Variants in SKI observed in about 807,000 individuals in gnomAD.
The protein encoded by SKI is SKI proto-oncogene.
A neutral mutation model predicts 59.3 loss-of-function variants in SKI; 23 were observed. That is an observed-to-expected ratio of 0.39 (90% CI 0.28 to 0.55). SKI has a LOEUF of 0.55. Ranked by LOEUF, SKI falls within the 20% of genes least tolerant of loss-of-function variation. SKI has a pLI of 0.67. For missense variants in SKI, 1,017 were observed against 1,038.9 expected, an observed-to-expected ratio of 0.98 and a Z score of 0.29; for synonymous variants, 673 against 488.6, an observed-to-expected ratio of 1.38 and a Z score of -4.98.
intron 1 of SKI, among the ~76,000 whole-genome samples, chr1:2,281,133 GA>G (rs1639875217): frequency 1.1e-5 from 1 of 90,180 alleles, no homozygotes. Context: ...GGATGCCCGA[GA>G]AGACAGGCGG....
At position 2,229,673 on chromosome 1, in the gene SKI, T is replaced by C. The variant is rs1456762315; in HGVS notation, c.907T>C (p.Cys303Arg). The change falls in exon 1 of 7, where the codon TGC (cysteine) becomes CGC (arginine). Residue 303 changes from cysteine (C) to arginine (R), a missense_variant. Transcript: ENST00000378536. The surrounding 1 kb of genome is among the most constrained non-coding windows in gnomAD (Gnocchi z 6.3). ...GKEEQARLGRCLDDVKEKFDY... is the reference protein window; with the variant it reads ...GKEEQARLGRRLDDVKEKFDY... ...GGAGGAGCAGGCGCGCCTCGGCCGC[T>C]GCCTGGACGACGTGAAGGAGAAATT... 6.2e-6 allele frequency: 10 copies of C among 1,608,092 alleles called. No homozygotes were observed. Among genetic ancestry groups the C allele is most frequent in the Non-Finnish European group, 8.5e-6 (10 of 1,178,032 alleles).
chr1:2,274,357 G>A (rs1311165366), intron 1 of SKI, among the ~76,000 whole-genome samples: 1 of 152,172 alleles, frequency 6.6e-6, no homozygotes, highest in African/African-American at 2.4e-5. Context: ...ATTTCAGCCA[G>A]GCCCCCATAT....
Position 2,306,117 on chromosome 1 carries a change from A to C in SKI, c.1865A>C (p.Glu622Ala). 6.3e-7 allele frequency: 1 copy of C among 1,598,414 alleles called. No individual in the cohort carries two copies. Among genetic ancestry groups the C allele is most frequent in the Non-Finnish European group, 8.5e-7 (1 of 1,173,916 alleles). Residue 622 changes from glutamate (E) to alanine (A), a missense_variant, in exon 6 of 7, where the codon GAG becomes GCG. Transcript: ENST00000378536. ...LRKEIERLRA[E>A]NEKKMKEANE... ...AAGGAGATCGAGCGTCTCCGCGCCG[A>C]GAACGAGAAGAAGATGAAAGAGGCC...
At chr1:2,249,706 C>A (rs1268410672) in intron 1 of SKI, among the ~76,000 whole-genome samples, 1 of 152,240 alleles carries the variant, frequency 6.6e-6, no homozygotes, top group African/African-American at 2.4e-5. Context: ...CTCCAACCGA[C>A]TCACTGGCCG....
At chr1:2,288,761 G>T (rs1474402579) in intron 1 of SKI, among the ~76,000 whole-genome samples, 1 of 152,176 alleles carries the variant, frequency 6.6e-6, no homozygotes, top group Non-Finnish European at 1.5e-5. Flanking sequence ...TGGCATTTTT[G>T]GGGTCATGGC....
intron 1 of SKI, among the ~76,000 whole-genome samples, chr1:2,249,300 G>A (rs755602736): frequency 2.6e-4 from 39 of 152,250 alleles, no homozygotes; most frequent in Non-Finnish European, 4.4e-4. Flanking sequence ...GGACGTGTGA[G>A]GCTCCAGGGT....
In SKI at chr1:2,303,211, C is replaced by T. The variant is rs1257429829; in HGVS notation, c.1096-74C>T. On this transcript the variant is annotated intron_variant, in intron 2 of 6. Transcript: ENST00000378536. The surrounding 1 kb of genome is among the most constrained non-coding windows in gnomAD (Gnocchi z 5.6). ...CCTGCCCGCTACTGAGGGCTGGCACCCGGCGCAGCCTCAGGGACATGAAGT... is the reference window on the plus strand; with the variant it reads ...CCTGCCCGCTACTGAGGGCTGGCACTCGGCGCAGCCTCAGGGACATGAAGT... The T allele has an allele frequency of 6.3e-7, 1 of 1,597,352 alleles. No homozygotes were observed. The highest frequency in any genetic ancestry group is 1.3e-5 in the African/African-American group (1 of 74,676).
chr1:2,273,653 T>G lies in SKI; in HGVS notation c.970-29325T>G, dbSNP rs147931989. ...GGGTAAGAACATCCACGGAGAAGTGTGACGAGTGTGCGACCAGAGTGTGGA... is the reference window on the plus strand; with the variant it reads ...GGGTAAGAACATCCACGGAGAAGTGGGACGAGTGTGCGACCAGAGTGTGGA... On this transcript the variant is annotated intron_variant, in intron 1 of 6. Transcript: ENST00000378536. Among the ~76,000 whole-genome samples the G allele has an allele frequency of 2.7e-3, 408 of 152,116 alleles. 4 individuals are homozygous for G. The highest frequency in any genetic ancestry group is 8.3e-3 in the African/African-American group (346 of 41,504).
At chr1:2,293,684 C>G (rs1160231899) in intron 1 of SKI, among the ~76,000 whole-genome samples, 1 of 152,218 alleles carries the variant, frequency 6.6e-6, no homozygotes, top group Admixed American at 6.5e-5. Context: ...TCCGCTGCCC[C>G]TGTTCTTGGG....
intron 1 of SKI, among the ~76,000 whole-genome samples, chr1:2,299,937 C>G (rs1488180802): frequency 6.6e-6 from 1 of 152,174 alleles, no homozygotes; most frequent in Non-Finnish European, 1.5e-5. Context: ...TGTGGCTGCC[C>G]AGTCCTCGGC....
rs753243627 is a variant in SKI at position 2,306,672 on chromosome 1, G to A, written c.2094G>A (p.Leu698=). 4 of 1,544,862 alleles carry A rather than the reference G, an allele frequency of 2.6e-6. No homozygotes were observed. In the African/African-American group the frequency reaches 5.5e-5, roughly 21 times the overall value. The stretch of plus-strand genomic sequence containing the variant: ...GGGAGCGCGAGGCCCGGGAGCACCT[G>A]GAGAAGGTGGTGAAGGAGCTGCAGG... ...LLREREAREH[L]EKVVKELQEQ... is the part of the protein sequence containing the mutation. Residue 698 remains leucine, a synonymous_variant, in exon 7 of 7, where the codon CTG becomes CTA. Coordinates refer to ENST00000378536, the MANE Select transcript of SKI (RefSeq NM_003036.4).
chr1:2,263,839 C>T lies in SKI; in HGVS notation c.969+34104C>T, dbSNP rs571886890. ...CCATCTCTGTGCCACTGCACTTCAG[C>T]CTGGGCGACAAAGCAAGACTCCATC... On this transcript the variant is annotated intron_variant, in intron 1 of 6. Coordinates refer to ENST00000378536, the MANE Select transcript of SKI (RefSeq NM_003036.4). 3.4e-5 allele frequency among the ~76,000 whole-genome samples: 5 copies of T among 147,514 alleles called. No individual in the cohort carries two copies. In the South Asian group the frequency reaches 1.1e-3, roughly 32 times the overall value.
At chr1:2,261,344 G>A (rs79829615) in intron 1 of SKI, among the ~76,000 whole-genome samples, 2 of 152,198 alleles carry the variant, frequency 1.3e-5, no homozygotes, top group African/African-American at 4.8e-5. Flanking sequence ...GATTGGGATT[G>A]TATTGAGTCC....
chr1:2,269,236 C>T lies in SKI; in HGVS notation c.970-33742C>T, dbSNP rs888580807. ...TGTTGGGATGACAGGTGTGAGCCAC[C>T]GTGCCTGGCCCATGTTTGATTCTCG... On this transcript the variant is annotated intron_variant, in intron 1 of 6. Coordinates refer to ENST00000378536, the MANE Select transcript of SKI (RefSeq NM_003036.4). The surrounding 1 kb of genome is among the most constrained non-coding windows in gnomAD (Gnocchi z 4.7). Among the ~76,000 whole-genome samples the T allele has an allele frequency of 6.6e-5, 10 of 152,204 alleles. No homozygotes were observed. The highest frequency in any genetic ancestry group is 1.9e-4 in the East Asian group (1 of 5,192).
At chr1:2,250,281 C>T (rs753335266) in intron 1 of SKI, among the ~76,000 whole-genome samples, 5 of 152,182 alleles carry the variant, frequency 3.3e-5, no homozygotes, top group Admixed American at 6.5e-5. Context: ...AACAGAGAGT[C>T]CCGTGTGGTG....
intron 1 of SKI, among the ~76,000 whole-genome samples, chr1:2,293,106 C>G (rs1007103974): frequency 6.6e-6 from 1 of 152,184 alleles, no homozygotes; most frequent in Non-Finnish European, 1.5e-5. Context: ...AACCTGAAGT[C>G]CCACAAGGAC....
chr1:2,246,526 TCAG>T (rs1218103776), intron 1 of SKI, among the ~76,000 whole-genome samples: 4 of 152,162 alleles, frequency 2.6e-5, no homozygotes, highest in Non-Finnish European at 4.4e-5. Context: ...GCTGTGGTGG[TCAG>T]GAAGCTGGAG....
intron 1 of SKI, among the ~76,000 whole-genome samples, chr1:2,238,431 C>T (rs34427400): frequency 4.6e-5 from 7 of 152,382 alleles, no homozygotes; most frequent in East Asian, 1.9e-4. Flanking sequence ...GCCATGGCAC[C>T]GGTTGGGCCT....
At chr1:2,274,669 C>T (rs898386813) in intron 1 of SKI, among the ~76,000 whole-genome samples, 1 of 152,222 alleles carries the variant, frequency 6.6e-6, no homozygotes, top group Admixed American at 6.5e-5. Flanking sequence ...CAGATACTGC[C>T]CCCTGGCCAT....
Sources: allele counts gnomAD v4.1 joint callset (sites outside exome capture counted in the v4.1 genomes callset), GRCh38; gene constraint gnomAD v4.1.1; non-coding constraint Gnocchi (gnomAD v3.1); transcripts MANE v1.5; gene names NCBI Gene and HGNC (gene_info 2026-07-23, HGNC 2026-07-21).